ADAP1: variants seen among roughly 807,000 people sequenced by gnomAD.
ADAP1 encodes arf-GAP with dual PH domain-containing protein 1.
In ADAP1, 31 loss-of-function variants were observed where a neutral mutation model predicts 54.9. That is an observed-to-expected ratio of 0.56 (90% CI 0.42 to 0.76). The LOEUF is 0.76. ADAP1 is among the 30% of genes least tolerant of loss of function. ADAP1 has a pLI of 0.00. For missense variants in ADAP1, 535 were observed against 512.4 expected (o/e 1.04, Z -0.42); for synonymous variants, 313 against 202.6 (o/e 1.55, Z -4.63).
At chr7:904,343 C>T (rs1458245400) in intron 5 of ADAP1, 71 bp from the exon 6 acceptor site, 3 of 1,508,506 alleles carry the variant, frequency 2.0e-6, no homozygotes, top group African/African-American at 1.4e-5. Flanking sequence ...GAAGGGCAGA[C>T]CCTGTGGGTG....
intron 1 of ADAP1, among the ~76,000 whole-genome samples, chr7:936,360 CTT>C (rs891632210): frequency 6.6e-6 from 1 of 152,078 alleles, no homozygotes; most frequent in Admixed American, 6.5e-5. Context: ...GCCCGGCTAA[CTT>C]TTGTATTTTT....
rs1017570691 is a variant in ADAP1, at chr7:946,683, C to T, written c.82+7713G>A. Among the ~76,000 whole-genome samples the T allele has an allele frequency of 1.3e-5, 2 of 152,226 alleles. No individual in the cohort carries two copies. Among genetic ancestry groups the T allele is most frequent in the African/African-American group, 4.8e-5 (2 of 41,466 alleles). ...GAGCCCACTCTCTGGGGCCCCCACC[C>T]CGCGCCCCTCCAGGCTCTTCAGGGC... On this transcript the variant is annotated intron_variant, in intron 1 of 10. Transcript: ENST00000265846. The surrounding 1 kb of genome is among the most constrained non-coding windows in gnomAD (Gnocchi z 4.3).
chr7:905,037 C>T, intron 5 of ADAP1, 23 bp downstream of exon 5: 1 of 1,597,922 alleles, frequency 6.3e-7, no homozygotes, highest in Non-Finnish European at 8.5e-7. Flanking sequence ...CAGGCCCCCA[C>T]CCCACCCCCG....
chr7:905,290 G>A (rs549452927), intron 4 of ADAP1, 118 bp from the exon 5 acceptor site: 9 of 332,876 alleles, frequency 2.7e-5, no homozygotes, highest in Non-Finnish European at 4.8e-5. Context: ...ACGGACGGGG[G>A]ACACGGACAG....
chr7:905,252 G>C (rs1195708901), intron 4 of ADAP1, 80 bp from the exon 5 acceptor site: 4 of 970,126 alleles, frequency 4.1e-6, no homozygotes, highest in Admixed American at 4.0e-5. Flanking sequence ...ACAGGACAGA[G>C]GGGACATGGG....
At chr7:929,628 C>T (rs187745137) in intron 2 of ADAP1, among the ~76,000 whole-genome samples, 292 of 151,504 alleles carry the variant, frequency 1.9e-3, no homozygotes, top group African/African-American at 2.9e-3. Context: ...CATTCAGTAA[C>T]GGCTGGGGCG....
At chr7:909,158 T>A (rs55916876) in intron 4 of ADAP1, among the ~76,000 whole-genome samples, 19,234 of 56,806 alleles carry the variant, frequency 0.34, 2,593 homozygotes, top group Non-Finnish European at 0.38. Flanking sequence ...GGAACCCCGG[T>A]CCTCCCGACA....
intron 4 of ADAP1, among the ~76,000 whole-genome samples, chr7:908,945 G>A (rs1022005816): frequency 1.2e-4 from 19 of 152,236 alleles, no homozygotes; most frequent in African/African-American, 4.3e-4. Flanking sequence ...GCCCCTTCCA[G>A]CGACCGGGCT....
At chr7:916,500 T>A (rs2128103146) in intron 4 of ADAP1, among the ~76,000 whole-genome samples, 1 of 152,288 alleles carries the variant, frequency 6.6e-6, no homozygotes, top group East Asian at 1.9e-4. Context: ...CGTGCCACCT[T>A]GCTACAAATT....
chr7:954,613 C>T lies in ADAP1; in HGVS notation c.-136G>A, dbSNP rs201422151. 6,509 of 983,082 alleles carry T rather than the reference C, an allele frequency of 6.6e-3. 221 individuals are homozygous for T. In the East Asian group the frequency reaches 0.21, roughly 31 times the overall value. 60.9% of individuals were successfully genotyped at this position (983,082 alleles called of 1,614,324 possible). On this transcript the variant is annotated 5_prime_UTR_variant, in exon 1 of 11. Coordinates refer to ENST00000265846, the MANE Select transcript of ADAP1 (RefSeq NM_006869.4). ...GGCGGCCTCAGCCCGCGCGCCGGTT[C>T]CGCATTCCCGCCGCCCTCTGGGCTC...
intron 2 of ADAP1, among the ~76,000 whole-genome samples, chr7:931,348 A>G (rs1846570944): frequency 6.6e-6 from 1 of 152,234 alleles, no homozygotes; most frequent in South Asian, 2.1e-4. Flanking sequence ...CAGAGGGTGA[A>G]TGAATAAAGC....
intron 1 of ADAP1, among the ~76,000 whole-genome samples, chr7:952,346 C>T (rs1847292291): frequency 6.6e-6 from 1 of 152,156 alleles, no homozygotes; most frequent in South Asian, 2.1e-4. Flanking sequence ...TGATGTCCTG[C>T]TGTCCAGGTC....
chr7:953,115 T>C (rs972615768), intron 1 of ADAP1, among the ~76,000 whole-genome samples: 19 of 152,070 alleles, frequency 1.2e-4, no homozygotes, highest in African/African-American at 4.6e-4. Context: ...CTGGCTTTCC[T>C]GGGGAGCGTT....
intron 4 of ADAP1, among the ~76,000 whole-genome samples, chr7:911,974 C>T (rs1418108546): frequency 2.6e-5 from 4 of 152,188 alleles, no homozygotes; most frequent in Admixed American, 6.5e-5. Context: ...CGTAAAGCCT[C>T]GCGCTGCCTG....
At chr7:943,197 A>G (rs1847020293) in intron 1 of ADAP1, among the ~76,000 whole-genome samples, 1 of 62,164 alleles carries the variant, frequency 1.6e-5, no homozygotes, top group African/African-American at 6.3e-5. Flanking sequence ...AGAGAGGAGG[A>G]GGAAGGGAGT....
At chr7:929,365 C>CA (rs1287533681) in intron 2 of ADAP1, among the ~76,000 whole-genome samples, 1 of 151,648 alleles carries the variant, frequency 6.6e-6, no homozygotes, top group African/African-American at 2.4e-5. Flanking sequence ...ACACGGTGCC[C>CA]ATGGAGGAAA....
chr7:914,500 C>T (rs1024557099), intron 4 of ADAP1, among the ~76,000 whole-genome samples: 4 of 152,160 alleles, frequency 2.6e-5, no homozygotes, highest in Admixed American at 6.5e-5. Context: ...CCCACGGGGC[C>T]GCCCCAGACA....
intron 2 of ADAP1, among the ~76,000 whole-genome samples, chr7:930,141 A>G (rs1359134357): frequency 6.7e-6 from 1 of 149,728 alleles, no homozygotes; most frequent in African/African-American, 2.5e-5. Flanking sequence ...TCAGGCAGAG[A>G]AGGCCTATTT....
intron 4 of ADAP1, among the ~76,000 whole-genome samples, chr7:915,711 G>A (rs992056760): frequency 6.6e-5 from 10 of 152,140 alleles, no homozygotes; most frequent in Admixed American, 5.2e-4. Context: ...CAGTTGGGCA[G>A]CCTCGGGCCT....
Sources: gnomAD v4.1 joint callset for allele counts (sites outside exome capture counted in the v4.1 genomes callset) on GRCh38, gnomAD v4.1.1 for gene constraint, Gnocchi (gnomAD v3.1) non-coding constraint, MANE v1.5 for transcripts, NCBI Gene and HGNC (gene_info 2026-07-23, HGNC 2026-07-21) for gene names.